WDR72: variants seen among roughly 807,000 people sequenced by gnomAD.
The protein encoded by WDR72 is WD repeat domain 72.
In WDR72, 120 loss-of-function variants were observed where a neutral mutation model predicts 124.2. The ratio of observed to expected loss-of-function variants is 0.97; its 90% CI spans 0.83 to 1.12. WDR72 has a LOEUF of 1.12. Among genes scored for constraint, WDR72 ranks in the 50% most tolerant of loss-of-function variants. WDR72 has a pLI of 0.00. For synonymous variants in WDR72, 452 were observed against 441.7 expected, an observed-to-expected ratio of 1.02 and a Z score of -0.29; for missense variants, 1,387 against 1,278.8, an observed-to-expected ratio of 1.08 and a Z score of -1.29.
In WDR72 at chr15:53,536,465, G is replaced by A. The variant is rs948593912; in HGVS notation, c.3149-13143C>T. On this transcript the variant is annotated intron_variant, in intron 18 of 19. Transcript: ENST00000360509. ...TGAGTCCCAAAGAGCTGTCTGAAAC[G>A]CTATGATCATGGGGCTCATCGGTCG... Among the ~76,000 whole-genome samples the A allele has an allele frequency of 3.3e-5, 5 of 152,020 alleles. No individual in the cohort carries two copies. The East Asian group carries it at 5.8e-4, about 18-fold the overall frequency.
At chr15:53,614,173 C>T (rs2013665320) in intron 15 of WDR72, among the ~76,000 whole-genome samples, 1 of 152,046 alleles carries the variant, frequency 6.6e-6, no homozygotes, top group Non-Finnish European at 1.5e-5. Context: ...AGGTTTTACC[C>T]TAGGCCAGTG....
chr15:53,561,538 T>A (rs190695899), intron 18 of WDR72, among the ~76,000 whole-genome samples: 35 of 151,910 alleles, frequency 2.3e-4, no homozygotes, highest in African/African-American at 8.4e-4. Flanking sequence ...AATTTCTCCC[T>A]AGAAACTCAT....
At chr15:53,607,397 C>T (rs2013333787) in intron 17 of WDR72, among the ~76,000 whole-genome samples, 1 of 152,098 alleles carries the variant, frequency 6.6e-6, no homozygotes, top group Non-Finnish European at 1.5e-5. Context: ...TCATTTTCGA[C>T]AAAAGTGCCA....
chr15:53,625,275 G>C (rs899590848), intron 14 of WDR72, among the ~76,000 whole-genome samples: 1 of 152,176 alleles, frequency 6.6e-6, no homozygotes, highest in South Asian at 2.1e-4. Flanking sequence ...TGGTTTACAT[G>C]TTGTTTATAA....
At chr15:53,726,289 C>T (rs868280829) in intron 2 of WDR72, among the ~76,000 whole-genome samples, 4,701 of 91,300 alleles carry the variant, frequency 0.051, 388 homozygotes, top group African/African-American at 0.29. Context: ...TATATATACA[C>T]ACACACACTG....
At chr15:53,590,837 G>A (rs554494516) in intron 18 of WDR72, among the ~76,000 whole-genome samples, 31 of 152,184 alleles carry the variant, frequency 2.0e-4, no homozygotes, top group Middle Eastern at 6.8e-3. Context: ...AGTGTTAACT[G>A]TAACTATGTT....
At chr15:53,592,233 G>A (rs1338588262) in intron 18 of WDR72, among the ~76,000 whole-genome samples, 2 of 152,028 alleles carry the variant, frequency 1.3e-5, no homozygotes, top group East Asian at 1.9e-4. Context: ...TTGATCACAC[G>A]TACCACACAG....
chr15:53,685,772 A>C (rs898033713), intron 13 of WDR72, among the ~76,000 whole-genome samples: 1 of 149,880 alleles, frequency 6.7e-6, no homozygotes, highest in African/African-American at 2.5e-5. Flanking sequence ...GATTCACCAA[A>C]GTTGAAATGA....
At chr15:53,610,478 T>C (rs1033393187) in intron 16 of WDR72, among the ~76,000 whole-genome samples, 1 of 151,964 alleles carries the variant, frequency 6.6e-6, no homozygotes, top group Non-Finnish European at 1.5e-5. Context: ...ATTAATATAT[T>C]GATATATGTT....
At chr15:53,758,000 TCTCTCTC>T (rs2018958311) in intron 1 of WDR72, among the ~76,000 whole-genome samples, 1 of 151,714 alleles carries the variant, frequency 6.6e-6, no homozygotes, top group Non-Finnish European at 1.5e-5. Flanking sequence ...TCTCTCTCTC[TCTCTCTC>T]TTTTTCTCTT....
chr15:53,655,745 G>A (rs2015399147), intron 14 of WDR72, among the ~76,000 whole-genome samples: 1 of 151,870 alleles, frequency 6.6e-6, no homozygotes, highest in Non-Finnish European at 1.5e-5. Flanking sequence ...CTGTGGGCCA[G>A]GCTGTGGCAC....
chr15:53,651,241 G>A (rs12906882), intron 14 of WDR72, among the ~76,000 whole-genome samples: 14 of 152,136 alleles, frequency 9.2e-5, no homozygotes, highest in African/African-American at 3.1e-4. Context: ...GTTCTTTCTT[G>A]CAATTCAAAC....
chr15:53,677,209 C>T (rs1472427715), intron 13 of WDR72, among the ~76,000 whole-genome samples: 1 of 152,036 alleles, frequency 6.6e-6, no homozygotes, highest in African/African-American at 2.4e-5. Context: ...CGTGAGCCAC[C>T]GTGCCCAGCC....
intron 14 of WDR72, among the ~76,000 whole-genome samples, chr15:53,646,922 G>A (rs2015063297): frequency 6.6e-6 from 1 of 152,020 alleles, no homozygotes; most frequent in Non-Finnish European, 1.5e-5. Flanking sequence ...AATTACTGAA[G>A]TCAAAATATT....
chr15:53,647,027 A>AC (rs2015066827), intron 14 of WDR72, among the ~76,000 whole-genome samples: 1 of 152,156 alleles, frequency 6.6e-6, no homozygotes, highest in Non-Finnish European at 1.5e-5. Context: ...TATTAGTCCT[A>AC]TGGCAGAGAC....
intron 9 of WDR72, among the ~76,000 whole-genome samples, chr15:53,707,595 C>T (rs1272280036): frequency 3.3e-5 from 5 of 151,950 alleles, no homozygotes; most frequent in South Asian, 2.1e-4. Flanking sequence ...TACAGGCGCC[C>T]GCCACCACGC....
chr15:53,572,085 T>G (rs1402218200), intron 18 of WDR72, among the ~76,000 whole-genome samples: 1 of 152,168 alleles, frequency 6.6e-6, no homozygotes, highest in Non-Finnish European at 1.5e-5. Context: ...GTTATTGAGT[T>G]GTTTGAATTC....
chr15:53,659,715 G>A (rs1371545555), intron 14 of WDR72, among the ~76,000 whole-genome samples: 2 of 150,692 alleles, frequency 1.3e-5, no homozygotes, highest in Admixed American at 6.6e-5. Context: ...AAAAAAAAAA[G>A]GATTAGATAT....
At chr15:53,567,613 G>C (rs967995763) in intron 18 of WDR72, among the ~76,000 whole-genome samples, 50 of 151,908 alleles carry the variant, frequency 3.3e-4, no homozygotes, top group Admixed American at 3.2e-3. Context: ...TATCTTTTAT[G>C]TTAGCATACC....
Sources: allele counts gnomAD v4.1 joint callset (sites outside exome capture counted in the v4.1 genomes callset), GRCh38; gene constraint gnomAD v4.1.1; transcripts MANE v1.5; gene names NCBI Gene and HGNC (gene_info 2026-07-23, HGNC 2026-07-21).